Variants in SDK1 observed in about 807,000 individuals in gnomAD.
SDK1 encodes sidekick cell adhesion molecule 1, also known as protein sidekick-1.
In SDK1, 157 loss-of-function variants were observed where a neutral mutation model predicts 245.5. The observed-to-expected ratio is 0.64, with a 90% CI of 0.56 to 0.73. SDK1 has a LOEUF of 0.73. SDK1 is among the 30% of genes least tolerant of loss of function. The pLI, the probability that SDK1 is intolerant of heterozygous loss-of-function variation, is 0.00. For synonymous variants in SDK1, 1,647 were observed against 1,278.5 expected (o/e 1.29, Z -6.15); for missense variants, 3,583 against 3,002.3 (o/e 1.19, Z -4.52).
chr7:4,164,360 G>A (rs908993202), intron 32 of SDK1, among the ~76,000 whole-genome samples: 4 of 152,154 alleles, frequency 2.6e-5, no homozygotes, highest in African/African-American at 9.6e-5. Context: ...ACAAAGGTGA[G>A]CTCAGGTCTC....
At chr7:4,194,737 C>A (rs1020662991) in intron 35 of SDK1, among the ~76,000 whole-genome samples, 1 of 152,126 alleles carries the variant, frequency 6.6e-6, no homozygotes, top group Non-Finnish European at 1.5e-5. Flanking sequence ...ATGGTGCACA[C>A]CACATTAAGG....
intron 1 of SDK1, among the ~76,000 whole-genome samples, chr7:3,416,563 G>T (rs1779371873): frequency 6.6e-6 from 1 of 151,590 alleles, no homozygotes; most frequent in Admixed American, 6.6e-5. Context: ...GCAATAAGGA[G>T]ATTAGGGAGG....
intron 1 of SDK1, among the ~76,000 whole-genome samples, chr7:3,485,412 C>T (rs1353445865): frequency 6.6e-6 from 1 of 152,132 alleles, no homozygotes; most frequent in Non-Finnish European, 1.5e-5. Flanking sequence ...GCAGGGCTAA[C>T]ACCTAGTTCC....
At chr7:3,444,071 C>T (rs895735421) in intron 1 of SDK1, among the ~76,000 whole-genome samples, 1 of 152,230 alleles carries the variant, frequency 6.6e-6, no homozygotes, top group East Asian at 1.9e-4. Flanking sequence ...TCCCAGACTC[C>T]TATACTGCTC....
intron 1 of SDK1, among the ~76,000 whole-genome samples, chr7:3,526,029 G>A (rs919111606): frequency 5.9e-5 from 9 of 152,092 alleles, no homozygotes; most frequent in African/African-American, 9.7e-5. Flanking sequence ...GAGGTCGGGA[G>A]TTTGAGACCA....
intron 1 of SDK1, among the ~76,000 whole-genome samples, chr7:3,610,689 A>T (rs1781558726): frequency 6.6e-6 from 1 of 152,208 alleles, no homozygotes; most frequent in Non-Finnish European, 1.5e-5. Context: ...CTTAGGGGAA[A>T]ATATTGGAAG....
rs1159786202 is a variant in SDK1, at chr7:3,504,178, A to ATGTGTGTGTGTGTGTGTGTGTGTG, written c.299-114901_299-114900insGTGTGTGTGTGTGTGTGTGTGTGT. Among the ~76,000 whole-genome samples, 13 of 52,424 alleles carry ATGTGTGTGTGTGTGTGTGTGTGTG rather than the reference A, an allele frequency of 2.5e-4. No homozygotes were observed. The South Asian group carries it at 7.5e-3, about 30-fold the overall frequency. The allele number at this position is 52,424 out of a possible 152,430, so 34.4% of individuals were successfully genotyped here. A position where few individuals can be genotyped will look rare whatever the true frequency, so the allele number is the denominator to read the frequency against. ...AAAAAACCAAAAAAATTATATATAT[A>ATGTGTGTGTGTGTGTGTGTGTGTG]TATATGTGTGTGTGTGTGTGTGTGT... On this transcript the variant is annotated intron_variant, in intron 1 of 44. Transcript: ENST00000404826.
intron 1 of SDK1, among the ~76,000 whole-genome samples, chr7:3,463,826 G>A (rs1780907285): frequency 6.6e-6 from 1 of 152,124 alleles, no homozygotes. Flanking sequence ...GGCCATAGGA[G>A]GAGGGTCTAA....
chr7:3,964,592 G>C (rs747710734), intron 9 of SDK1, among the ~76,000 whole-genome samples: 4 of 152,118 alleles, frequency 2.6e-5, no homozygotes, highest in Non-Finnish European at 5.9e-5. Flanking sequence ...TCAAGGTAAA[G>C]GTTTTCATTG....
chr7:3,920,330 G>A (rs1430259655), intron 5 of SDK1, among the ~76,000 whole-genome samples: 2 of 152,194 alleles, frequency 1.3e-5, no homozygotes, highest in South Asian at 2.1e-4. Flanking sequence ...TCTTGCAGGT[G>A]AGATGTCATT....
intron 4 of SDK1, among the ~76,000 whole-genome samples, chr7:3,721,595 G>C (rs1778803749): frequency 6.6e-6 from 1 of 152,172 alleles, no homozygotes; most frequent in South Asian, 2.1e-4. Context: ...ATGACCCTCT[G>C]TTGTCTCTTC....
intron 13 of SDK1, among the ~76,000 whole-genome samples, chr7:3,985,811 T>C (rs1283998278): frequency 3.3e-5 from 5 of 152,170 alleles, no homozygotes; most frequent in African/African-American, 1.2e-4. Flanking sequence ...TAGAGCTGTT[T>C]CTTGGGGAAC....
intron 5 of SDK1, among the ~76,000 whole-genome samples, chr7:3,859,549 C>T (rs1294091520): frequency 1.3e-5 from 2 of 152,120 alleles, no homozygotes; most frequent in African/African-American, 4.8e-5. Context: ...TCAGCATTGG[C>T]TTCATCCCAA....
At position 4,067,842 on chromosome 7, in the gene SDK1, A is replaced by G. The variant is rs769393331; in HGVS notation, c.2916A>G (p.Pro972=). The G allele has an allele frequency of 1.2e-5, 19 of 1,611,914 alleles. No homozygotes were observed. The highest frequency in any genetic ancestry group is 1.6e-5 in the Non-Finnish European group (19 of 1,178,858). ...GACTTTGCTTTTAATTGGTAGAACC[A>G]GGAGCTGTGGGACATCTGAGTTTCA... The part of the protein sequence containing the change: ...PQLVWTQEDK[P]GAVGHLSFTE... Residue 972 remains proline, a synonymous_variant, in exon 20 of 45, where the codon CCA becomes CCG. Coordinates refer to ENST00000404826, the MANE Select transcript of SDK1 (RefSeq NM_152744.4).
chr7:3,315,025 G>C (rs1246071418), intron 1 of SDK1, among the ~76,000 whole-genome samples: 1 of 152,040 alleles, frequency 6.6e-6, no homozygotes, highest in Non-Finnish European at 1.5e-5. Flanking sequence ...GGGTTGGCTA[G>C]AGTCCTCCAT....
At chr7:3,989,453 C>T (rs538916568) in intron 14 of SDK1, among the ~76,000 whole-genome samples, 1 of 152,310 alleles carries the variant, frequency 6.6e-6, no homozygotes, top group South Asian at 2.1e-4. Flanking sequence ...CCACATCACC[C>T]ATCATTTATT....
intron 1 of SDK1, among the ~76,000 whole-genome samples, chr7:3,594,793 A>G (rs1352679767): frequency 6.6e-6 from 1 of 152,210 alleles, no homozygotes; most frequent in Non-Finnish European, 1.5e-5. Context: ...CTGATATAAG[A>G]ACCATCAGTC....
At chr7:4,131,218 T>A (rs1226807289) in intron 27 of SDK1, among the ~76,000 whole-genome samples, 1 of 152,226 alleles carries the variant, frequency 6.6e-6, no homozygotes, top group Non-Finnish European at 1.5e-5. Context: ...TGTTCCCTCC[T>A]GAAGCAGGCG....
chr7:3,757,247 C>T (rs1041523688), intron 4 of SDK1, among the ~76,000 whole-genome samples: 14 of 152,258 alleles, frequency 9.2e-5, no homozygotes, highest in African/African-American at 3.1e-4. Flanking sequence ...CTCACTAGAA[C>T]AGCTCACAGA....
Sources: allele counts gnomAD v4.1 joint callset (sites outside exome capture counted in the v4.1 genomes callset), GRCh38; gene constraint gnomAD v4.1.1; transcripts MANE v1.5; gene names NCBI Gene and HGNC (gene_info 2026-07-23, HGNC 2026-07-21).